CASK: variants seen among roughly 807,000 people sequenced by gnomAD.
The protein encoded by CASK is peripheral plasma membrane protein CASK.
CASK carries 4 observed loss-of-function variants against 82.9 expected under a neutral mutation model. The observed-to-expected ratio is 0.05, with a 90% CI of 0.02 to 0.11. CASK has a LOEUF of 0.11. CASK is among the 10% of genes least tolerant of loss of function. The probability of loss-of-function intolerance (pLI) is 1.00; values close to 1 mark genes in which losing one functional copy is unlikely to be tolerated. For missense variants in CASK, 358 were observed against 720.9 expected (o/e 0.50, Z 5.76); for synonymous variants, 259 against 253.5 (o/e 1.02, Z -0.20).
intron 5 of CASK, among the ~76,000 whole-genome samples, chrX:41,708,217 T>C (rs2067916210): frequency 9.1e-6 from 1 of 110,452 alleles, no homozygotes; most frequent in Non-Finnish European, 1.9e-5. Flanking sequence ...AGGATAGAGG[T>C]GATTTCTCCT....
intron 16 of CASK, chrX:41,562,585 GA>G (rs2065244560): frequency 9.0e-6 from 1 of 111,668 alleles, no homozygotes; most frequent in Non-Finnish European, 1.9e-5. Context: ...AAGATATACA[GA>G]AAATCCTGTT....
chrX:41,681,398 T>C (rs1368967143), intron 5 of CASK, among the ~76,000 whole-genome samples: 3 of 111,813 alleles, frequency 2.7e-5, no homozygotes, highest in Admixed American at 1.9e-4. Flanking sequence ...ATCATAACCA[T>C]AAAATTAACT....
At chrX:41,815,454 A>C (rs989671590) in intron 2 of CASK, among the ~76,000 whole-genome samples, 1 of 112,341 alleles carries the variant, frequency 8.9e-6, no homozygotes, top group Non-Finnish European at 1.9e-5. Flanking sequence ...TCAAAGATTT[A>C]AAAGAAAGCA....
intron 2 of CASK, among the ~76,000 whole-genome samples, chrX:41,830,166 A>G (rs1393880273): frequency 2.8e-5 from 3 of 107,148 alleles, no homozygotes; most frequent in Admixed American, 1.0e-4. Flanking sequence ...TGCCTGGCTA[A>G]TTTTTTTATT....
Sources: gnomAD v4.1 joint callset for allele counts (sites outside exome capture counted in the v4.1 genomes callset) on GRCh38, gnomAD v4.1.1 for gene constraint, MANE v1.5 for transcripts, NCBI Gene and HGNC (gene_info 2026-07-23, HGNC 2026-07-21) for gene names.